Variants in ATP8A1 observed in about 807,000 individuals in gnomAD.
The protein encoded by ATP8A1 is phospholipid-transporting ATPase IA.
A neutral mutation model predicts 177.7 loss-of-function variants in ATP8A1; 90 were observed. The observed-to-expected ratio is 0.51, with a 90% CI of 0.43 to 0.60. The LOEUF (loss-of-function observed/expected upper bound fraction) is 0.60. Among genes scored for constraint, ATP8A1 ranks in the 20% least tolerant of loss-of-function variants. ATP8A1 has a pLI of 0.00. For synonymous variants in ATP8A1, 493 were observed against 485.9 expected (o/e 1.01, Z -0.19); for missense variants, 1,072 against 1,392.8 (o/e 0.77, Z 3.67).
At chr4:42,508,572 T>C (rs139079071) in intron 22 of ATP8A1, among the ~76,000 whole-genome samples, 48 of 152,362 alleles carry the variant, frequency 3.2e-4, no homozygotes, top group African/African-American at 1.0e-3. Context: ...TGGTCCTAAA[T>C]ACATAAGAAT....
chr4:42,499,219 G>T (rs1022445845), intron 24 of ATP8A1, among the ~76,000 whole-genome samples: 1 of 152,132 alleles, frequency 6.6e-6, no homozygotes, highest in Non-Finnish European at 1.5e-5. Flanking sequence ...TTAAGCTTGG[G>T]AACACTGACT....
chr4:42,520,607 A>G (rs961798235), intron 22 of ATP8A1, among the ~76,000 whole-genome samples: 2 of 152,138 alleles, frequency 1.3e-5, no homozygotes, highest in African/African-American at 4.8e-5. Flanking sequence ...AGACATTGAA[A>G]TAAGTCAACT....
chr4:42,435,465 A>G (rs1715875190), intron 33 of ATP8A1, among the ~76,000 whole-genome samples: 1 of 148,464 alleles, frequency 6.7e-6, no homozygotes, highest in Non-Finnish European at 1.5e-5. Flanking sequence ...AAAAAAAAAC[A>G]AACTATCTCC....
At position 42,552,551 on chromosome 4, in the gene ATP8A1, C is replaced by T. The variant is rs1729610996; in HGVS notation, c.1473G>A (p.Val491=). Reference sequence around the variant, plus strand: ...TAATCTTGTCACCTTCTCGCTCTGGCACTGCTGTGTGACAGACTGCCATCA... The same window carrying T: ...TAATCTTGTCACCTTCTCGCTCTGGTACTGCTGTGTGACAGACTGCCATCA... ...LTMMAVCHTA[V]PEREGDKIIY... Residue 491 remains valine, a synonymous_variant, in exon 17 of 37, where the codon GTG becomes GTA. Coordinates refer to ENST00000381668, the MANE Select transcript of ATP8A1 (RefSeq NM_006095.2). 1.9e-6 allele frequency: 3 copies of T among 1,613,580 alleles called. No individual in the cohort carries two copies. Among genetic ancestry groups the T allele is most frequent in the Admixed American group, 3.3e-5 (2 of 59,904 alleles).
intron 22 of ATP8A1, among the ~76,000 whole-genome samples, chr4:42,512,686 G>T (rs1296565800): frequency 2.0e-5 from 3 of 152,146 alleles, no homozygotes; most frequent in African/African-American, 7.2e-5. Context: ...TAGCCACCAG[G>T]CCAGAAATCT....
At chr4:42,546,246 C>A (rs1393477689) in intron 19 of ATP8A1, among the ~76,000 whole-genome samples, 1 of 152,020 alleles carries the variant, frequency 6.6e-6, no homozygotes, top group African/African-American at 2.4e-5. Flanking sequence ...TCTCGCCCCG[C>A]AGCCATAAAA....
At chr4:42,420,799 C>T (rs1465999851) in intron 35 of ATP8A1, among the ~76,000 whole-genome samples, 9 of 144,700 alleles carry the variant, frequency 6.2e-5, no homozygotes, top group Non-Finnish European at 4.5e-5. Context: ...GACAGAGTCT[C>T]GCTCTGTCAC....
chr4:42,420,889 C>A (rs1713833562), intron 35 of ATP8A1, among the ~76,000 whole-genome samples: 2 of 151,966 alleles, frequency 1.3e-5, no homozygotes, highest in African/African-American at 2.4e-5. Context: ...CTGCCTCAGC[C>A]TCCCGAGTAG....
At chr4:42,522,375 AC>A in intron 21 of ATP8A1, 76 bp from the exon 22 acceptor site, 1 of 1,540,960 alleles carries the variant, frequency 6.5e-7, no homozygotes, top group Non-Finnish European at 8.7e-7. Flanking sequence ...TTTTTATTTC[AC>A]AAAGTCCCAT....
At chr4:42,479,996 T>TTGTGTGTGTGTGTGTGTG (rs376966152) in intron 25 of ATP8A1, among the ~76,000 whole-genome samples, 163 of 135,650 alleles carry the variant, frequency 1.2e-3, no homozygotes, top group Non-Finnish European at 2.0e-3. Flanking sequence ...GCAGTTCTGC[T>TTGTGTGTGTGTGTGTGTG]TGTGTGTGTG....
At chr4:42,447,288 T>C (rs1212498558) in intron 30 of ATP8A1, among the ~76,000 whole-genome samples, 6 of 152,124 alleles carry the variant, frequency 3.9e-5, no homozygotes, top group Admixed American at 3.3e-4. Context: ...GTTCTAGTAA[T>C]TATCGTGCCT....
chr4:42,581,603 CAT>C lies in ATP8A1; in HGVS notation c.834+16_834+17del, dbSNP rs1733083245. 1 of 1,587,438 alleles carries C rather than the reference CAT, an allele frequency of 6.3e-7. No homozygotes were observed. The highest frequency in any genetic ancestry group is 1.3e-5 in the African/African-American group (1 of 74,338). ...CAAAAGCCTTAGGTCCAAAAGGTTT[CAT>C]AGAGAAAAATTTCACCTGCATCAGC... On this transcript the variant is annotated intron_variant, in intron 10 of 36. Coordinates refer to ENST00000381668, the MANE Select transcript of ATP8A1 (RefSeq NM_006095.2).
intron 5 of ATP8A1, 122 bp downstream of exon 5, chr4:42,615,911 C>G (rs1736859327): frequency 1.2e-6 from 1 of 848,712 alleles, no homozygotes; most frequent in African/African-American, 1.7e-5. Context: ...AAAAATCAAT[C>G]TACCCCAAAA....
intron 1 of ATP8A1, among the ~76,000 whole-genome samples, chr4:42,654,197 G>A (rs1741396245): frequency 6.6e-6 from 1 of 152,254 alleles, no homozygotes; most frequent in East Asian, 1.9e-4. Flanking sequence ...CAGGCCTTAT[G>A]TTCAGTAATA....
chr4:42,482,013 C>T (rs1293462686), intron 25 of ATP8A1, among the ~76,000 whole-genome samples: 1 of 152,144 alleles, frequency 6.6e-6, no homozygotes, highest in East Asian at 1.9e-4. Flanking sequence ...TATGAAAGAA[C>T]AGTAGTTGGC....
At chr4:42,563,361 A>G (rs1258998006) in intron 15 of ATP8A1, among the ~76,000 whole-genome samples, 3 of 152,230 alleles carry the variant, frequency 2.0e-5, no homozygotes, top group Non-Finnish European at 2.9e-5. Context: ...GCAGCAAAGC[A>G]TTCAATAGGT....
chr4:42,456,615 G>A (rs1200695916), intron 27 of ATP8A1, among the ~76,000 whole-genome samples: 1 of 152,096 alleles, frequency 6.6e-6, no homozygotes, highest in Non-Finnish European at 1.5e-5. Flanking sequence ...TAGTACCTAC[G>A]TTATTGTTTT....
chr4:42,581,592 C>T, intron 10 of ATP8A1, 29 bp downstream of exon 10: 3 of 1,527,886 alleles, frequency 2.0e-6, no homozygotes, highest in Non-Finnish European at 2.7e-6. Context: ...AGCCTTAGGT[C>T]CAAAAGGTTT....
intron 20 of ATP8A1, among the ~76,000 whole-genome samples, chr4:42,526,120 A>G (rs1455771223): frequency 6.6e-6 from 1 of 152,188 alleles, no homozygotes. Flanking sequence ...AACAAAAGTG[A>G]TAAGTAATAT....
Sources: allele counts gnomAD v4.1 joint callset (sites outside exome capture counted in the v4.1 genomes callset), GRCh38; gene constraint gnomAD v4.1.1; transcripts MANE v1.5; gene names NCBI Gene and HGNC (gene_info 2026-07-23, HGNC 2026-07-21).